The following FKBP6 variants were observed in gnomAD, a reference collection of about 807,000 sequenced individuals.
FKBP6 encodes the protein FKBP prolyl isomerase family member 6 (inactive).
Under a neutral mutation model 41.7 loss-of-function variants are expected in FKBP6, and 29 were observed. The ratio of observed to expected loss-of-function variants is 0.70; its 90% CI spans 0.52 to 0.95. The LOEUF (loss-of-function observed/expected upper bound fraction) is 0.95. FKBP6 is among the 40% of genes least tolerant of loss of function. FKBP6 has a pLI of 0.00. For synonymous variants in FKBP6, 130 were observed against 165.1 expected (o/e 0.79, Z 1.63); for missense variants, 338 against 408.7 (o/e 0.83, Z 1.49).
In FKBP6 at chr7:73,330,231, A is replaced by G; in HGVS notation, c.347A>G (p.Tyr116Cys). Reference protein sequence around the residue: ...ELARFLFKPNYAYGTLGCPPL... With the variant: ...ELARFLFKPNCAYGTLGCPPL... ...GCCAGGTTTCTGTTCAAACCGAACTACGCCTATGGAACGCTGGGCTGCCCT... is the reference window on the plus strand; with the variant it reads ...GCCAGGTTTCTGTTCAAACCGAACTGCGCCTATGGAACGCTGGGCTGCCCT... The change falls in exon 4 of 9, where the codon TAC (tyrosine) becomes TGC (cysteine). Residue 116 changes from tyrosine to cysteine, a missense_variant. Physicochemically the swap from Tyr to Cys is radical, Grantham distance 194. Around this residue, in one of 2 missense-constraint regions of FKBP6, gnomAD observed 99 missense variants for 158.6 expected, o/e 0.62. Transcript: ENST00000252037. The G allele has an allele frequency of 6.2e-7, 1 of 1,613,962 alleles. No homozygotes were observed. The highest frequency in any genetic ancestry group is 8.5e-7 in the Non-Finnish European group (1 of 1,179,896).
intron 5 of FKBP6, among the ~76,000 whole-genome samples, chr7:73,337,625 C>G (rs1370374779): frequency 6.6e-6 from 1 of 152,016 alleles, no homozygotes; most frequent in Non-Finnish European, 1.5e-5. Context: ...TCCAGTTCTT[C>G]CATTCTACTT....
intron 8 of FKBP6, among the ~76,000 whole-genome samples, chr7:73,345,346 A>G (rs1160869343): frequency 6.6e-5 from 10 of 151,800 alleles, no homozygotes; most frequent in African/African-American, 2.4e-4. Flanking sequence ...TTAGGGACTC[A>G]GTCTCCCCTC....
intron 4 of FKBP6, among the ~76,000 whole-genome samples, chr7:73,331,215 A>T (rs555035517): frequency 6.6e-6 from 1 of 152,292 alleles, no homozygotes; most frequent in South Asian, 2.1e-4. Flanking sequence ...CAGGGCCCTG[A>T]GCAAACCAAG....
chr7:73,356,065 CAAAAAAAAAA>C (rs71925165), intron 8 of FKBP6, among the ~76,000 whole-genome samples: 15 of 32,198 alleles, frequency 4.7e-4, no homozygotes, highest in African/African-American at 1.2e-3. Flanking sequence ...GACTCTGTCT[CAAAAAAAAAA>C]AAAAAAAAAA....
intron 8 of FKBP6, among the ~76,000 whole-genome samples, chr7:73,349,350 G>A (rs571425621): frequency 1.6e-4 from 24 of 149,008 alleles, no homozygotes; most frequent in Admixed American, 3.4e-4. Context: ...TGGAGGTTGC[G>A]GTAAGCTGCA....
chr7:73,345,369 T>TC (rs1164125956), intron 8 of FKBP6, among the ~76,000 whole-genome samples: 1 of 151,970 alleles, frequency 6.6e-6, no homozygotes, highest in South Asian at 2.1e-4. Flanking sequence ...CTTTGTTTTC[T>TC]CCCCCTGTAG....
At position 73,345,222 on chromosome 7, in the gene FKBP6, GAAAA is replaced by G. The variant is rs1156457847; in HGVS notation, c.*2+2341_*2+2344del. The stretch of plus-strand genomic sequence containing the variant: ...AGAAACCTATCTTTAGCATCAGCCA[GAAAA>G]AAAAAAAAAAAAAAAAAGATTTGCA... On this transcript the variant is annotated intron_variant, in intron 8 of 8. Transcript: ENST00000252037. Among the ~76,000 whole-genome samples, 8 of 66,654 alleles carry G rather than the reference GAAAA, an allele frequency of 1.2e-4. No individual in the cohort carries two copies. The East Asian group carries it at 1.6e-3, about 13-fold the overall frequency. 43.7% of individuals were successfully genotyped at this position (66,654 alleles called of 152,430 possible). A position where few individuals can be genotyped will look rare whatever the true frequency, so the allele number is the denominator to read the frequency against.
intron 5 of FKBP6, among the ~76,000 whole-genome samples, chr7:73,336,127 G>A (rs1804999118): frequency 6.6e-6 from 1 of 152,162 alleles, no homozygotes; most frequent in Non-Finnish European, 1.5e-5. Context: ...CCCAAAATGT[G>A]TATGTTGAAA....
At chr7:73,335,663 C>T (rs1804984330) in intron 5 of FKBP6, among the ~76,000 whole-genome samples, 1 of 152,144 alleles carries the variant, frequency 6.6e-6, no homozygotes, top group African/African-American at 2.4e-5. Context: ...TTCAGCCCCA[C>T]CAGATAGCTC....
At chr7:73,345,875 G>A (rs1440428757) in intron 8 of FKBP6, among the ~76,000 whole-genome samples, 1 of 152,128 alleles carries the variant, frequency 6.6e-6, no homozygotes, top group South Asian at 2.1e-4. Context: ...TTTGTTCCAC[G>A]GGGCTGTGGG....
chr7:73,333,807 C>A (rs533606888), intron 5 of FKBP6, among the ~76,000 whole-genome samples: 1 of 152,338 alleles, frequency 6.6e-6, no homozygotes, highest in South Asian at 2.1e-4. Context: ...CACGGTGGCT[C>A]ATGCCTGTAA....
chr7:73,339,548 T>C (rs1049646878), intron 5 of FKBP6, among the ~76,000 whole-genome samples: 1 of 152,146 alleles, frequency 6.6e-6, no homozygotes, highest in Non-Finnish European at 1.5e-5. Flanking sequence ...ATATGAGTTC[T>C]CCAGCTTTGT....
rs1397945630 is a variant in FKBP6, at chr7:73,331,702, GC to G, written c.515del (p.Ala172ValfsTer21). 1 of 1,613,546 alleles carries G rather than the reference GC, an allele frequency of 6.2e-7. No homozygotes were observed. On this transcript the variant is annotated frameshift_variant, in exon 5 of 9. Coordinates refer to ENST00000252037, the MANE Select transcript of FKBP6 (RefSeq NM_003602.5). LOFTEE classifies it high-confidence loss of function. ...FPLQKVLKVAATEREFGNYLF... is the reference protein window; with the variant it reads ...FPLQKVLKVAXTEREFGNYLF... ...ACTTCAGAAGGTCCTGAAAGTGGCAGCTACGGAACGGGAGTTTGGCAACTAC... is the reference window on the plus strand; with the variant it reads ...ACTTCAGAAGGTCCTGAAAGTGGCAGTACGGAACGGGAGTTTGGCAACTAC...
At position 73,340,749 on chromosome 7, in the gene FKBP6, C is replaced by G. The variant is rs782596923; in HGVS notation, c.700C>G (p.Arg234Gly). The G allele has an allele frequency of 6.2e-7, 1 of 1,613,826 alleles. No homozygotes were observed. Among genetic ancestry groups the G allele is most frequent in the Non-Finnish European group, 8.5e-7 (1 of 1,179,934 alleles). ...GTCCTTTACATACCTGAAGCTAGACCGACCCACCATAGCCCTGTGCTATGG... is the reference window on the plus strand; with the variant it reads ...GTCCTTTACATACCTGAAGCTAGACGGACCCACCATAGCCCTGTGCTATGG... ...NLSFTYLKLD[R>G]PTIALCYGEQ... The change falls in exon 6 of 9, where the codon CGA becomes GGA. Residue 234 changes from arginine to glycine, a missense_variant. Around this residue, in one of 2 missense-constraint regions of FKBP6, gnomAD observed 239 missense variants for 250.1 expected, o/e 0.96. Coordinates refer to ENST00000252037, the MANE Select transcript of FKBP6 (RefSeq NM_003602.5).
intron 5 of FKBP6, among the ~76,000 whole-genome samples, chr7:73,337,986 T>G (rs1805059532): frequency 6.6e-6 from 1 of 152,252 alleles, no homozygotes; most frequent in Non-Finnish European, 1.5e-5. Flanking sequence ...AGCATGTTTT[T>G]GAGGTTTATC....
chr7:73,331,322 C>A (rs73360422), intron 4 of FKBP6, among the ~76,000 whole-genome samples: 4,743 of 152,252 alleles, frequency 0.031, 241 homozygotes, highest in African/African-American at 0.11. Flanking sequence ...ACACTGCTTC[C>A]TCAGAGAACA....
chr7:73,348,177 CT>C (rs1256015717), intron 8 of FKBP6, among the ~76,000 whole-genome samples: 4 of 151,300 alleles, frequency 2.6e-5, no homozygotes, highest in African/African-American at 9.7e-5. Flanking sequence ...TCCTTAAAAT[CT>C]TTTTTTTCTC....
At chr7:73,337,867 C>A (rs1287785176) in intron 5 of FKBP6, among the ~76,000 whole-genome samples, 5 of 152,126 alleles carry the variant, frequency 3.3e-5, no homozygotes, top group Non-Finnish European at 7.4e-5. Flanking sequence ...ATTCTTTGGC[C>A]TCAGATAGCC....
intron 5 of FKBP6, among the ~76,000 whole-genome samples, chr7:73,335,249 A>T (rs1554548382): frequency 6.6e-6 from 1 of 151,958 alleles, no homozygotes; most frequent in Non-Finnish European, 1.5e-5. Flanking sequence ...ATCTTTGACC[A>T]CTAAGATTTA....
Sources: allele counts gnomAD v4.1 joint callset (sites outside exome capture counted in the v4.1 genomes callset), GRCh38; gene constraint gnomAD v4.1.1; regional missense constraint gnomAD v4.1.1; transcripts MANE v1.5; gene names NCBI Gene and HGNC (gene_info 2026-07-23, HGNC 2026-07-21).